Variants in AKAP6 observed in about 807,000 individuals in gnomAD.
The protein encoded by AKAP6 is A-kinase anchoring protein 6.
In AKAP6, 58 loss-of-function variants were observed where a neutral mutation model predicts 188.5. That is an observed-to-expected ratio of 0.31 (90% CI 0.25 to 0.38). AKAP6 has a LOEUF of 0.38. AKAP6 is among the 10% of genes least tolerant of loss of function. The pLI, the probability that AKAP6 is intolerant of heterozygous loss-of-function variation, is 1.00. For synonymous variants in AKAP6, 989 were observed against 998.6 expected, an observed-to-expected ratio of 0.99 and a Z score of 0.18; for missense variants, 2,710 against 2,740.0, an observed-to-expected ratio of 0.99 and a Z score of 0.24.
At chr14:32,504,292 GT>G (rs1880753122) in intron 2 of AKAP6, among the ~76,000 whole-genome samples, 1 of 151,934 alleles carries the variant, frequency 6.6e-6, no homozygotes, top group African/African-American at 2.4e-5. Flanking sequence ...TGTTTTGTTT[GT>G]TTTTTGATAT....
intron 2 of AKAP6, among the ~76,000 whole-genome samples, chr14:32,508,223 A>G (rs1246180694): frequency 1.3e-5 from 2 of 152,240 alleles, no homozygotes; most frequent in African/African-American, 4.8e-5. Flanking sequence ...GAAAGAGGGA[A>G]TTCATCACAT....
At chr14:32,717,720 A>G (rs2030301962) in intron 9 of AKAP6, among the ~76,000 whole-genome samples, 1 of 152,088 alleles carries the variant, frequency 6.6e-6, no homozygotes, top group Admixed American at 6.6e-5. Flanking sequence ...GCTCAAAAGC[A>G]GTTATAACCA....
chr14:32,710,463 G>C (rs1891000018), intron 9 of AKAP6, among the ~76,000 whole-genome samples: 1 of 152,020 alleles, frequency 6.6e-6, no homozygotes, highest in South Asian at 2.1e-4. Flanking sequence ...AGAAGTGATG[G>C]AGAAAAAGAT....
intron 2 of AKAP6, among the ~76,000 whole-genome samples, chr14:32,457,536 CCTT>C (rs1891186303): frequency 6.6e-6 from 1 of 152,080 alleles, no homozygotes; most frequent in Non-Finnish European, 1.5e-5. Flanking sequence ...AAAATCTTAA[CCTT>C]CTTGTTAATT....
chr14:32,679,261 A>G (rs1889573047), intron 8 of AKAP6, among the ~76,000 whole-genome samples: 2 of 152,228 alleles, frequency 1.3e-5, no homozygotes, highest in Middle Eastern at 3.4e-3. Flanking sequence ...AATATTTAAT[A>G]GGTGATTTTA....
At chr14:32,605,716 T>C (rs1173978589) in intron 7 of AKAP6, among the ~76,000 whole-genome samples, 1 of 152,182 alleles carries the variant, frequency 6.6e-6, no homozygotes, top group Non-Finnish European at 1.5e-5. Context: ...TGACGTGACC[T>C]TGCACAGGTC....
chr14:32,766,782 C>T (rs2032732236), intron 11 of AKAP6, among the ~76,000 whole-genome samples: 1 of 151,840 alleles, frequency 6.6e-6, no homozygotes, highest in Admixed American at 6.6e-5. Flanking sequence ...TTGATGAAGC[C>T]CAAAAGTTGC....
chr14:32,821,644 T>C lies in AKAP6; in HGVS notation c.3831T>C (p.Ile1277=). Residue 1277 remains isoleucine, a synonymous_variant, in exon 13 of 14, where the codon ATT becomes ATC. Coordinates refer to ENST00000280979, the MANE Select transcript of AKAP6 (RefSeq NM_004274.5). Reference sequence around the variant, plus strand: ...GGGGATCTCAGTATGCCTCAAATATTACTGCCCCCTCTAGTCCACACATTT... The same window carrying C: ...GGGGATCTCAGTATGCCTCAAATATCACTGCCCCCTCTAGTCCACACATTT... The part of the protein sequence containing the change: ...NHGGSQYASN[I]TAPSSPHIYQ... 1.2e-6 allele frequency: 2 copies of C among 1,613,718 alleles called. No homozygotes were observed. Among genetic ancestry groups the C allele is most frequent in the Non-Finnish European group, 1.7e-6 (2 of 1,179,894 alleles).
intron 1 of AKAP6, among the ~76,000 whole-genome samples, chr14:32,367,913 C>T (rs1887885823): frequency 6.6e-6 from 1 of 152,202 alleles, no homozygotes; most frequent in African/African-American, 2.4e-5. Context: ...ATTATGAATG[C>T]TTCTGGAGAC....
intron 12 of AKAP6, among the ~76,000 whole-genome samples, chr14:32,782,630 A>T (rs1469099928): frequency 6.6e-6 from 1 of 152,182 alleles, no homozygotes; most frequent in East Asian, 1.9e-4. Flanking sequence ...ATAAATTGAA[A>T]TTTTTAAACA....
intron 1 of AKAP6, among the ~76,000 whole-genome samples, chr14:32,427,152 C>T (rs943059862): frequency 4.6e-5 from 7 of 152,136 alleles, no homozygotes; most frequent in Non-Finnish European, 1.0e-4. Context: ...CCCCCTGGGG[C>T]ACTTGCAGTC....
At chr14:32,465,791 G>A (rs1018571638) in intron 2 of AKAP6, among the ~76,000 whole-genome samples, 6 of 152,160 alleles carry the variant, frequency 3.9e-5, no homozygotes, top group Non-Finnish European at 7.3e-5. Flanking sequence ...AGCATGAACA[G>A]GCGACCTAAG....
chr14:32,619,837 A>C (rs748094684), intron 7 of AKAP6, among the ~76,000 whole-genome samples: 1 of 152,090 alleles, frequency 6.6e-6, no homozygotes, highest in Non-Finnish European at 1.5e-5. Context: ...TGTGTCATCT[A>C]TGATTTCTTT....
intron 1 of AKAP6, among the ~76,000 whole-genome samples, chr14:32,360,839 G>T (rs1489492791): frequency 6.6e-6 from 1 of 151,282 alleles, no homozygotes; most frequent in Non-Finnish European, 1.5e-5. Context: ...AAGCTCCTGG[G>T]CTCAAGTGTT....
At chr14:32,388,651 G>A (rs1171635777) in intron 1 of AKAP6, among the ~76,000 whole-genome samples, 1 of 152,022 alleles carries the variant, frequency 6.6e-6, no homozygotes, top group Non-Finnish European at 1.5e-5. Flanking sequence ...CCATGTATTT[G>A]CATGGTTTTG....
At chr14:32,371,109 A>G (rs1249247330) in intron 1 of AKAP6, among the ~76,000 whole-genome samples, 1 of 152,198 alleles carries the variant, frequency 6.6e-6, no homozygotes, top group East Asian at 1.9e-4. Flanking sequence ...CTAAGTCCTA[A>G]AAATAAATTC....
chr14:32,751,239 C>A (rs771728857), intron 11 of AKAP6, among the ~76,000 whole-genome samples: 7 of 152,024 alleles, frequency 4.6e-5, no homozygotes, highest in Non-Finnish European at 1.0e-4. Context: ...ATAATTTTCA[C>A]AGGAAAAGTC....
At chr14:32,338,382 T>C (rs1391972354) in intron 1 of AKAP6, among the ~76,000 whole-genome samples, 1 of 152,124 alleles carries the variant, frequency 6.6e-6, no homozygotes, top group Non-Finnish European at 1.5e-5. Flanking sequence ...TAAATGGTGG[T>C]GGAAATGTTA....
Position 32,735,788 on chromosome 14 carries a change from G to T in AKAP6, c.3278G>T (p.Trp1093Leu), listed in dbSNP as rs1434021562. ...LEVRIKELKGWLRDTELFIFN... is the reference protein window; with the variant it reads ...LEVRIKELKGLLRDTELFIFN... ...GTCAGGATCAAAGAACTGAAAGGAT[G>T]GCTAAGAGATACAGAGCTTTTCATC... Residue 1093 changes from tryptophan to leucine, a missense_variant, in exon 11 of 14, where the codon TGG (tryptophan) becomes TTG (leucine). By Grantham distance (61) the Trp-to-Leu change is moderately conservative. Coordinates refer to ENST00000280979, the MANE Select transcript of AKAP6 (RefSeq NM_004274.5). 2.5e-6 allele frequency: 4 copies of T among 1,613,482 alleles called. No individual in the cohort carries two copies. The highest frequency in any genetic ancestry group is 3.4e-6 in the Non-Finnish European group (4 of 1,179,688).
Sources: allele counts gnomAD v4.1 joint callset (sites outside exome capture counted in the v4.1 genomes callset), GRCh38; gene constraint gnomAD v4.1.1; transcripts MANE v1.5; gene names NCBI Gene and HGNC (gene_info 2026-07-23, HGNC 2026-07-21).